The following IMMP2L variants were observed in gnomAD, a reference collection of about 807,000 sequenced individuals.
IMMP2L encodes mitochondrial inner membrane protease subunit 2.
A neutral mutation model predicts 19.3 loss-of-function variants in IMMP2L; 18 were observed. That is an observed-to-expected ratio of 0.93 (90% CI 0.64 to 1.38). The LOEUF (loss-of-function observed/expected upper bound fraction) is 1.38. IMMP2L is among the 40% of genes most tolerant of loss of function. The pLI, the probability that IMMP2L is intolerant of heterozygous loss-of-function variation, is 0.00. For synonymous variants in IMMP2L, 76 were observed against 73.0 expected (o/e 1.04, Z -0.21); for missense variants, 233 against 218.2 (o/e 1.07, Z -0.43).
intron 3 of IMMP2L, among the ~76,000 whole-genome samples, chr7:111,018,152 G>A (rs1825893730): frequency 6.6e-6 from 1 of 152,120 alleles, no homozygotes; most frequent in African/African-American, 2.4e-5. Context: ...TTCAGAAGGA[G>A]GAGGAATGTA....
chr7:110,737,737 C>A (rs1047821026), intron 5 of IMMP2L, among the ~76,000 whole-genome samples: 17 of 152,240 alleles, frequency 1.1e-4, no homozygotes, highest in African/African-American at 4.1e-4. Flanking sequence ...CAGCTCCTGG[C>A]TGAAGGCCAA....
At chr7:110,804,620 G>A (rs941844306) in intron 5 of IMMP2L, among the ~76,000 whole-genome samples, 1 of 152,066 alleles carries the variant, frequency 6.6e-6, no homozygotes, top group East Asian at 1.9e-4. Context: ...CTTGCAGTGT[G>A]AGGTGGACAC....
At chr7:111,126,013 A>T in intron 3 of IMMP2L, among the ~76,000 whole-genome samples, 1 of 151,552 alleles carries the variant, frequency 6.6e-6, no homozygotes, top group East Asian at 1.9e-4. Context: ...AGTAGAGAAA[A>T]AGTTTTGCCA....
chr7:111,228,963 ATGCGTGTG>A (rs1813408244), intron 3 of IMMP2L, among the ~76,000 whole-genome samples: 1 of 120,802 alleles, frequency 8.3e-6, no homozygotes, highest in Non-Finnish European at 1.7e-5. Flanking sequence ...AACACTAGCA[ATGCGTGTG>A]TGTGTGTGTG....
intron 5 of IMMP2L, among the ~76,000 whole-genome samples, chr7:110,844,950 C>A (rs1805527595): frequency 6.6e-6 from 1 of 152,038 alleles, no homozygotes; most frequent in South Asian, 2.1e-4. Flanking sequence ...GAGTCCCAGG[C>A]ACAAAGTTTC....
At chr7:111,141,046 T>C (rs1802827992) in intron 3 of IMMP2L, among the ~76,000 whole-genome samples, 1 of 152,168 alleles carries the variant, frequency 6.6e-6, no homozygotes. Flanking sequence ...GAATGGCTAG[T>C]TGGTGAAAGA....
intron 3 of IMMP2L, among the ~76,000 whole-genome samples, chr7:111,435,552 GT>G (rs903571515): frequency 2.6e-5 from 4 of 151,756 alleles, no homozygotes; most frequent in Non-Finnish European, 5.9e-5. Context: ...GTGGGTAAGG[GT>G]TTAAAAATTA....
intron 3 of IMMP2L, among the ~76,000 whole-genome samples, chr7:110,986,485 T>G (rs1398349479): frequency 6.6e-6 from 1 of 152,188 alleles, no homozygotes; most frequent in Non-Finnish European, 1.5e-5. Context: ...AAGGAGTCTA[T>G]CTCTACTGTA....
chr7:110,694,012 C>G (rs1793694397), intron 5 of IMMP2L, among the ~76,000 whole-genome samples: 1 of 152,036 alleles, frequency 6.6e-6, no homozygotes, highest in Non-Finnish European at 1.5e-5. Flanking sequence ...TGTTTCCCAC[C>G]TGGAATGAGT....
chr7:111,270,282 T>C lies in IMMP2L; in HGVS notation c.239+216956A>G, dbSNP rs571325126. Among the ~76,000 whole-genome samples the C allele has an allele frequency of 2.6e-5, 4 of 152,290 alleles. No individual in the cohort carries two copies. The South Asian group carries it at 8.3e-4, about 32-fold the overall frequency. ...CACAGATTCCATTACTTGAAAGTTA[T>C]CATTACCTGTCTCCCATTATGATAA... On this transcript the variant is annotated intron_variant, in intron 3 of 5. Transcript: ENST00000405709.
chr7:110,851,381 A>G (rs946566431), intron 5 of IMMP2L, among the ~76,000 whole-genome samples: 5 of 152,294 alleles, frequency 3.3e-5, no homozygotes, highest in African/African-American at 9.6e-5. Context: ...TGCATGATGC[A>G]CAGAGGAATT....
intron 3 of IMMP2L, among the ~76,000 whole-genome samples, chr7:110,976,897 T>C (rs1260996056): frequency 2.0e-5 from 3 of 152,042 alleles, no homozygotes; most frequent in South Asian, 2.1e-4. Context: ...TGTACAAAAA[T>C]CTAAAATTTC....
At chr7:110,715,873 C>T (rs146745202) in intron 5 of IMMP2L, among the ~76,000 whole-genome samples, 4 of 152,206 alleles carry the variant, frequency 2.6e-5, no homozygotes, top group South Asian at 2.1e-4. Context: ...AAGTCTCCCA[C>T]TATTACTGAG....
At chr7:111,311,599 G>A (rs1046739711) in intron 3 of IMMP2L, among the ~76,000 whole-genome samples, 4 of 152,126 alleles carry the variant, frequency 2.6e-5, no homozygotes, top group African/African-American at 9.7e-5. Context: ...TATCTTCAGA[G>A]GGATACAGTT....
chr7:110,934,171 A>C (rs1319971543), intron 4 of IMMP2L, among the ~76,000 whole-genome samples: 1 of 152,162 alleles, frequency 6.6e-6, no homozygotes, highest in Non-Finnish European at 1.5e-5. Context: ...CTTAATCCTG[A>C]GTCCTAATTT....
rs80147483 is a variant in IMMP2L, at chr7:111,478,891, G to A, written c.239+8347C>T. On this transcript the variant is annotated intron_variant, in intron 3 of 5. Transcript: ENST00000405709. ...AAGTGTTGCGTATAAAAAAATTATA[G>A]AAACTCTGCATGATGTCTCTTGCTT... 4.0e-3 allele frequency among the ~76,000 whole-genome samples: 616 copies of A among 152,188 alleles called. 2 individuals carry two copies. Among genetic ancestry groups the A allele is most frequent in the African/African-American group, 0.013 (551 of 41,540 alleles).
chr7:110,874,825 T>TG (rs1223707156), intron 5 of IMMP2L, among the ~76,000 whole-genome samples: 1 of 152,088 alleles, frequency 6.6e-6, no homozygotes, highest in African/African-American at 2.4e-5. Flanking sequence ...CTTTAGAGAC[T>TG]GGGAAGTCCA....
At position 111,514,809 on chromosome 7, in the gene IMMP2L, C is replaced by T. The variant is rs187135051; in HGVS notation, c.135+6504G>A. 5.6e-4 allele frequency among the ~76,000 whole-genome samples: 85 copies of T among 152,122 alleles called. 2 individuals carry two copies. Among genetic ancestry groups the T allele is most frequent in the African/African-American group, 1.9e-3 (79 of 41,498 alleles). On this transcript the variant is annotated intron_variant, in intron 2 of 5. Coordinates refer to ENST00000405709, the MANE Select transcript of IMMP2L (RefSeq NM_032549.4). ...TTTAAAGTACATCTCAGCTATTATG[C>T]ATTTCACTGCAAATTTTATAATATT...
intron 3 of IMMP2L, among the ~76,000 whole-genome samples, chr7:111,359,813 G>C (rs1829091106): frequency 6.6e-6 from 1 of 152,108 alleles, no homozygotes; most frequent in Admixed American, 6.6e-5. Context: ...TTTATTGAAT[G>C]AATGTTAAAG....
Sources: gnomAD v4.1 joint callset for allele counts (sites outside exome capture counted in the v4.1 genomes callset) on GRCh38, gnomAD v4.1.1 for gene constraint, MANE v1.5 for transcripts, NCBI Gene and HGNC (gene_info 2026-07-23, HGNC 2026-07-21) for gene names.